SYNJ2: variants seen among roughly 807,000 people sequenced by gnomAD.
The protein encoded by SYNJ2 is polyphosphatidylinositol phosphatase SYNJ2.
Under a neutral mutation model 141.3 loss-of-function variants are expected in SYNJ2, and 116 were observed. That is an observed-to-expected ratio of 0.82 (90% confidence interval 0.71 to 0.96). The LOEUF is 0.96. Among genes scored for constraint, SYNJ2 ranks in the 40% least tolerant of loss-of-function variants. SYNJ2 has a pLI of 0.00. For synonymous variants in SYNJ2, 745 were observed against 777.7 expected (o/e 0.96, Z 0.70); for missense variants, 1,873 against 1,934.8 (o/e 0.97, Z 0.60).
At chr6:158,031,157 G>A (rs549429532) in intron 3 of SYNJ2, among the ~76,000 whole-genome samples, 1 of 152,336 alleles carries the variant, frequency 6.6e-6, no homozygotes, top group Non-Finnish European at 1.5e-5. Context: ...CCAAGCTTAA[G>A]CACAGAGGGG....
chr6:157,999,840 G>A (rs1325026727), intron 1 of SYNJ2, among the ~76,000 whole-genome samples: 2 of 152,188 alleles, frequency 1.3e-5, no homozygotes, highest in Non-Finnish European at 2.9e-5. Flanking sequence ...GTGATGTGCA[G>A]GTGACTGGGA....
At chr6:157,987,542 C>T (rs1447637885) in intron 1 of SYNJ2, among the ~76,000 whole-genome samples, 1 of 151,954 alleles carries the variant, frequency 6.6e-6, no homozygotes, top group African/African-American at 2.4e-5. Context: ...GCTGGGACTA[C>T]AGGCGCGTGC....
At chr6:158,031,566 C>T (rs1271853316) in intron 3 of SYNJ2, among the ~76,000 whole-genome samples, 1 of 152,218 alleles carries the variant, frequency 6.6e-6, no homozygotes, top group Non-Finnish European at 1.5e-5. Context: ...TGAGTCACCA[C>T]GGGCAGTGTG....
At chr6:158,047,564 G>C (rs1258972374) in intron 5 of SYNJ2, among the ~76,000 whole-genome samples, 1 of 151,882 alleles carries the variant, frequency 6.6e-6, no homozygotes, top group Non-Finnish European at 1.5e-5. Context: ...ATCACTTGAG[G>C]TCAGGAGTTT....
rs114411374 is a variant in SYNJ2, at chr6:157,999,309, A to G, written c.127+17221A>G. 5.4e-3 allele frequency among the ~76,000 whole-genome samples: 821 copies of G among 152,372 alleles called. 4 individuals carry two copies. The highest frequency in any genetic ancestry group is 0.019 in the African/African-American group (779 of 41,590). On this transcript the variant is annotated intron_variant, in intron 1 of 26. Coordinates refer to ENST00000355585, the MANE Select transcript of SYNJ2 (RefSeq NM_003898.4). ...TGCCATCTCCCCCTGTGATTCAGGC[A>G]TGGAGCTCAGGCCCCAGGTGGCAGG...
chr6:157,998,915 C>T (rs1777731691), intron 1 of SYNJ2, among the ~76,000 whole-genome samples: 4 of 152,218 alleles, frequency 2.6e-5, no homozygotes, highest in Admixed American at 2.6e-4. Context: ...CCCATTCCCC[C>T]TGTGTCCGAA....
intron 4 of SYNJ2, among the ~76,000 whole-genome samples, chr6:158,038,566 G>A (rs747486202): frequency 7.9e-5 from 12 of 152,218 alleles, no homozygotes; most frequent in African/African-American, 2.9e-4. Context: ...CGGAGACCCC[G>A]GACAGCCTGG....
chr6:157,982,345 A>ATGGTTGC lies in SYNJ2; in HGVS notation c.127+261_127+267dup, dbSNP rs1777046050. On this transcript the variant is annotated intron_variant, in intron 1 of 26. Transcript: ENST00000355585. The surrounding 1 kb of genome is among the most constrained non-coding windows in gnomAD (Gnocchi z 4.0). ...TCTCCGGCCCGCGCCGCCAGAGGAT[A>ATGGTTGC]TGGTTGCTGGATAGCCGGCTGGGGC... 6.6e-6 allele frequency among the ~76,000 whole-genome samples: 1 copy of ATGGTTGC among 152,118 alleles called. No individual in the cohort carries two copies. Among genetic ancestry groups the ATGGTTGC allele is most frequent in the African/African-American group, 2.4e-5 (1 of 41,430 alleles).
At chr6:158,064,465 C>A in intron 9 of SYNJ2, 136 bp from the exon 10 acceptor site, 1 of 1,118,306 alleles carries the variant, frequency 8.9e-7, no homozygotes, top group East Asian at 2.4e-5. Context: ...GTGGGAACTC[C>A]TCATCCTCTG....
At position 158,040,565 on chromosome 6, in the gene SYNJ2, G is replaced by T; in HGVS notation, c.712-2751G>T. Among the ~76,000 whole-genome samples, 1 of 151,994 alleles carries T rather than the reference G, an allele frequency of 6.6e-6. No homozygotes were observed. Among genetic ancestry groups the T allele is most frequent in the Admixed American group, 6.6e-5 (1 of 15,256 alleles). ...AAAAAAGGATGTAAGATAAATATTT[G>T]GCTATTCAAGATAAGGCCACTGACT... On this transcript the variant is annotated intron_variant, in intron 4 of 26. Coordinates refer to ENST00000355585, the MANE Select transcript of SYNJ2 (RefSeq NM_003898.4). This position sits in a 1 kb window ranked among gnomAD's most constrained non-coding sequence, Gnocchi z 4.2.
chr6:158,096,361 A>G lies in SYNJ2; in HGVS notation c.4488A>G (p.Thr1496=). 6.2e-7 allele frequency: 1 copy of G among 1,600,368 alleles called. No individual in the cohort carries two copies. The highest frequency in any genetic ancestry group is 8.5e-7 in the Non-Finnish European group (1 of 1,174,946). The change falls in exon 27 of 27, where the codon ACA becomes ACG. Residue 1496 remains threonine (T), a synonymous_variant. Coordinates refer to ENST00000355585, the MANE Select transcript of SYNJ2 (RefSeq NM_003898.4). ...AGGTGTTTGACCCACTGGCAAAAAC[A>G]TGACTGAGCAGCTTTGAAGGCTGCA... The part of the protein sequence containing the change: ...ALQVFDPLAK[T]
intron 1 of SYNJ2, among the ~76,000 whole-genome samples, chr6:157,989,026 GA>G (rs1777312594): frequency 6.6e-6 from 1 of 152,164 alleles, no homozygotes; most frequent in Admixed American, 6.5e-5. Context: ...CTTTCTGGAG[GA>G]AAATTTAGAC....
Position 158,070,482 on chromosome 6 carries a change from C to T in SYNJ2, c.1940+809C>T. 2.0e-6 allele frequency: 2 copies of T among 985,462 alleles called. No homozygotes were observed. Among genetic ancestry groups the T allele is most frequent in the African/African-American group, 1.7e-5 (1 of 57,292 alleles). 61.0% of individuals were successfully genotyped at this position (985,462 alleles called of 1,614,324 possible). ...TGCTTGTGTTATTTGGGCAGCTTGG[C>T]AGTGTCCTAGGTTAGCAGGTGAAGG... On this transcript the variant is annotated intron_variant, in intron 14 of 26. Coordinates refer to ENST00000355585, the MANE Select transcript of SYNJ2 (RefSeq NM_003898.4). This position sits in a 1 kb window ranked among gnomAD's most constrained non-coding sequence, Gnocchi z 4.0.
At chr6:157,992,275 C>T (rs887781121) in intron 1 of SYNJ2, among the ~76,000 whole-genome samples, 5 of 152,090 alleles carry the variant, frequency 3.3e-5, no homozygotes, top group South Asian at 2.1e-4. Context: ...AGACCCCCGC[C>T]GCTACCCTTC....
rs753511427 is a variant in SYNJ2 at position 158,062,196 on chromosome 6, C to G, written c.1127+32C>G. The stretch of plus-strand genomic sequence containing the variant: ...CTCGCTGCGCACTGTGCCGCGTCTT[C>G]TGCTGGGGGGAAGCGTCAGTCCACG... On this transcript the variant is annotated intron_variant, in intron 8 of 26. Coordinates refer to ENST00000355585, the MANE Select transcript of SYNJ2 (RefSeq NM_003898.4). 11 of 1,599,266 alleles carry G rather than the reference C, an allele frequency of 6.9e-6. No homozygotes were observed. In the South Asian group the frequency reaches 1.2e-4, roughly 18 times the overall value.
chr6:158,075,590 G>A (rs1386677762), intron 16 of SYNJ2, among the ~76,000 whole-genome samples: 1 of 151,622 alleles, frequency 6.6e-6, no homozygotes, highest in African/African-American at 2.4e-5. Flanking sequence ...GCAGTGAGCC[G>A]AGATCGCACC....
chr6:158,050,665 C>T (rs1412625174), intron 5 of SYNJ2, among the ~76,000 whole-genome samples: 1 of 152,174 alleles, frequency 6.6e-6, no homozygotes, highest in Non-Finnish European at 1.5e-5. Flanking sequence ...GATTCCAGGG[C>T]ATGCCGTCTG....
chr6:157,981,833 C>A (rs1323963617), upstream of SYNJ2: 6 of 846,038 alleles, frequency 7.1e-6, no homozygotes, highest in Admixed American at 8.9e-5. This position sits in a 1 kb window ranked among gnomAD's most constrained non-coding sequence, Gnocchi z 6.4. Flanking sequence ...CGGGGAGGAG[C>A]CTGGCGCGGC....
chr6:158,095,516 G>T lies in SYNJ2; in HGVS notation c.3745-102G>T, dbSNP rs1156625687. 13 of 1,411,052 alleles carry T rather than the reference G, an allele frequency of 9.2e-6. No individual in the cohort carries two copies. The East Asian group carries it at 2.9e-4, about 31-fold the overall frequency. The allele number at this position is 1,411,052 out of a possible 1,614,324, so 87.4% of individuals were successfully genotyped here. A position where few individuals can be genotyped will look rare whatever the true frequency, so the allele number is the denominator to read the frequency against. ...AAATCTCGAATTTGCTAGAATGTCA[G>T]CTTGGTCTCATCTCTGTTCTCTGCT... On this transcript the variant is annotated intron_variant, in intron 26 of 26. Transcript: ENST00000355585.
Sources: allele counts gnomAD v4.1 joint callset (sites outside exome capture counted in the v4.1 genomes callset), GRCh38; gene constraint gnomAD v4.1.1; non-coding constraint Gnocchi (gnomAD v3.1); transcripts MANE v1.5; gene names NCBI Gene and HGNC (gene_info 2026-07-23, HGNC 2026-07-21).